Variants in SRRM4 observed in about 807,000 individuals in gnomAD.
SRRM4 encodes the protein serine/arginine repetitive matrix 4.
SRRM4 carries 33 observed loss-of-function variants against 68.9 expected under a neutral mutation model. The ratio of observed to expected loss-of-function variants is 0.48; its 90% CI spans 0.36 to 0.64. The LOEUF is 0.64. Ranked by LOEUF, SRRM4 falls within the 30% of genes least tolerant of loss-of-function variation. The probability of loss-of-function intolerance (pLI) is 0.00; values close to 1 mark genes in which losing one functional copy is unlikely to be tolerated. For synonymous variants in SRRM4, 318 were observed against 318.8 expected, an observed-to-expected ratio of 1.00 and a Z score of 0.03; for missense variants, 817 against 827.1, an observed-to-expected ratio of 0.99 and a Z score of 0.15.
intron 6 of SRRM4, 79 bp from the exon 7 acceptor site, chr12:119,125,293 AACGGGTGTC>A: frequency 8.1e-7 from 1 of 1,238,310 alleles, no homozygotes; most frequent in South Asian, 1.4e-5. Context: ...GCAAAGGAAA[AACGGGTGTC>A]ACAAGATCAA....
Position 119,028,392 on chromosome 12 carries a change from G to A in SRRM4, c.131+46379G>A, listed in dbSNP as rs544048763. On this transcript the variant is annotated intron_variant, in intron 1 of 12. Coordinates refer to ENST00000267260, the MANE Select transcript of SRRM4 (RefSeq NM_194286.4). Reference sequence around the variant, plus strand: ...TTGAATCATGGGGGCAGGTCTTTTCGTGCTAGTCTCATGATAGTGAATAAG... The same window carrying A: ...TTGAATCATGGGGGCAGGTCTTTTCATGCTAGTCTCATGATAGTGAATAAG... 4.3e-4 allele frequency among the ~76,000 whole-genome samples: 65 copies of A among 152,160 alleles called. 1 individual carries two copies. Among genetic ancestry groups the A allele is most frequent in the African/African-American group, 8.0e-4 (33 of 41,504 alleles).
At chr12:118,990,305 C>T (rs1350424165) in intron 1 of SRRM4, among the ~76,000 whole-genome samples, 2 of 152,114 alleles carry the variant, frequency 1.3e-5, no homozygotes, top group African/African-American at 2.4e-5. Context: ...AATCCAGCAA[C>T]CAGGGGAGTC....
intron 1 of SRRM4, among the ~76,000 whole-genome samples, chr12:119,016,352 A>G (rs1405570374): frequency 1.3e-5 from 2 of 152,118 alleles, no homozygotes; most frequent in East Asian, 3.9e-4. Context: ...AGCCCCATTC[A>G]GTAACCACCT....
At chr12:119,084,674 T>C (rs1057482838) in intron 1 of SRRM4, among the ~76,000 whole-genome samples, 25 of 151,970 alleles carry the variant, frequency 1.6e-4, no homozygotes, top group African/African-American at 5.6e-4. Flanking sequence ...GAGGATAAAA[T>C]GGAGCAGAAG....
chr12:119,104,204 T>C (rs920858049), intron 2 of SRRM4, among the ~76,000 whole-genome samples: 2 of 152,126 alleles, frequency 1.3e-5, no homozygotes, highest in Non-Finnish European at 2.9e-5. Flanking sequence ...GTACAGATTG[T>C]GGCAGTGAGA....
intron 1 of SRRM4, among the ~76,000 whole-genome samples, chr12:119,065,616 T>C (rs1468461203): frequency 1.3e-5 from 2 of 152,128 alleles, no homozygotes; most frequent in Non-Finnish European, 2.9e-5. Flanking sequence ...GTGCCTGTAG[T>C]CCCAGCTACT....
At chr12:118,986,662 ATCTG>A (rs1248516905) in intron 1 of SRRM4, among the ~76,000 whole-genome samples, 1 of 152,170 alleles carries the variant, frequency 6.6e-6, no homozygotes, top group Non-Finnish European at 1.5e-5. Context: ...AGATAGAGAC[ATCTG>A]TCTGTCTGGG....
In SRRM4 at chr12:119,156,698, C is replaced by CCCGCAGCCGGAGCCGGAGCAGGAG; in HGVS notation, c.1740_1763dup (p.Arg588_Ser595dup). ...AGCTCCCGCAGCCCTAGTCCGGGCT[C>CCCGCAGCCGGAGCCGGAGCAGGAG]CCGCAGCCGGAGCCGGAGCAGGAGC... On this transcript the variant is annotated inframe_insertion, in exon 13 of 13. Coordinates refer to ENST00000267260, the MANE Select transcript of SRRM4 (RefSeq NM_194286.4). 1 of 1,548,660 alleles carries CCCGCAGCCGGAGCCGGAGCAGGAG rather than the reference C, an allele frequency of 6.5e-7. No individual in the cohort carries two copies. The highest frequency in any genetic ancestry group is 8.7e-7 in the Non-Finnish European group (1 of 1,147,006).
intron 2 of SRRM4, among the ~76,000 whole-genome samples, chr12:119,110,554 G>A (rs568580026): frequency 3.3e-4 from 51 of 152,306 alleles, no homozygotes; most frequent in African/African-American, 9.6e-4. Flanking sequence ...CCTCGCTGCC[G>A]CCTTGCAGTT....
intron 8 of SRRM4, among the ~76,000 whole-genome samples, chr12:119,134,056 A>G (rs935450364): frequency 2.0e-5 from 3 of 152,148 alleles, no homozygotes; most frequent in Admixed American, 6.5e-5. Context: ...CCATGGCAAG[A>G]TATGGGCTCT....
At chr12:119,111,364 T>G in intron 2 of SRRM4, among the ~76,000 whole-genome samples, 1 of 151,968 alleles carries the variant, frequency 6.6e-6, no homozygotes, top group East Asian at 1.9e-4. Context: ...ATTGAGGGAG[T>G]TGATGATCCC....
chr12:119,141,270 A>T (rs1213842698), intron 8 of SRRM4, among the ~76,000 whole-genome samples: 1 of 152,236 alleles, frequency 6.6e-6, no homozygotes, highest in African/African-American at 2.4e-5. Context: ...GAATGCTCCC[A>T]GCATAAAGAA....
intron 1 of SRRM4, 44 bp from the exon 2 acceptor site, chr12:119,102,192 C>G: frequency 1.3e-6 from 2 of 1,550,652 alleles, no homozygotes; most frequent in Non-Finnish European, 1.8e-6. Flanking sequence ...TTAAGTGTCT[C>G]TGTATATTCT....
At chr12:119,114,394 G>C (rs1954164491) in intron 3 of SRRM4, 30 bp downstream of exon 3, 1 of 1,563,356 alleles carries the variant, frequency 6.4e-7, no homozygotes, top group Admixed American at 1.8e-5. Flanking sequence ...GATAAAACCT[G>C]TAAGATGCAG....
rs1030812316 is a variant in SRRM4 at position 119,159,708 on chromosome 12, C to T, written c.*2910C>T. 5 of 152,164 alleles carry T rather than the reference C, an allele frequency of 3.3e-5. No individual in the cohort carries two copies. The highest frequency in any genetic ancestry group is 3.3e-4 in the Admixed American group (5 of 15,282). 9.4% of individuals were successfully genotyped at this position (152,164 alleles called of 1,614,324 possible). On this transcript the variant is annotated 3_prime_UTR_variant, in exon 13 of 13. Coordinates refer to ENST00000267260, the MANE Select transcript of SRRM4 (RefSeq NM_194286.4). ...CCTAGTTGGTTTCATGTATGTTACA[C>T]ATGCTTCCACTCCACAGTACCTAAT...
chr12:119,077,156 A>G (rs1478865349), intron 1 of SRRM4, among the ~76,000 whole-genome samples: 1 of 152,216 alleles, frequency 6.6e-6, no homozygotes, highest in Non-Finnish European at 1.5e-5. Context: ...TTTTATGTTG[A>G]AAGCTACTGG....
intron 1 of SRRM4, among the ~76,000 whole-genome samples, chr12:119,026,543 A>G (rs1459068641): frequency 1.3e-5 from 2 of 151,832 alleles, no homozygotes; most frequent in Non-Finnish European, 2.9e-5. Flanking sequence ...TTTAATTTTA[A>G]TTTTTATTTA....
intron 9 of SRRM4, among the ~76,000 whole-genome samples, chr12:119,148,381 C>A (rs1398863187): frequency 6.6e-6 from 1 of 152,134 alleles, no homozygotes; most frequent in African/African-American, 2.4e-5. Flanking sequence ...GTCAGTGTCT[C>A]CAAGAACAGG....
Position 119,131,026 on chromosome 12 carries a change from T to C in SRRM4, c.771+192T>C, listed in dbSNP as rs1254131460. Among the ~76,000 whole-genome samples, 6 of 152,132 alleles carry C rather than the reference T, an allele frequency of 3.9e-5. No individual in the cohort carries two copies. In the East Asian group the frequency reaches 1.2e-3, roughly 29 times the overall value. ...TTTGGCAACACTGGCTTGGGGATTTTGGGGGGCAGGGGGAGAAAAACTAAA... is the reference window on the plus strand; with the variant it reads ...TTTGGCAACACTGGCTTGGGGATTTCGGGGGGCAGGGGGAGAAAAACTAAA... On this transcript the variant is annotated intron_variant, in intron 8 of 12. Coordinates refer to ENST00000267260, the MANE Select transcript of SRRM4 (RefSeq NM_194286.4).
Sources: allele counts gnomAD v4.1 joint callset (sites outside exome capture counted in the v4.1 genomes callset), GRCh38; gene constraint gnomAD v4.1.1; transcripts MANE v1.5; gene names NCBI Gene and HGNC (gene_info 2026-07-23, HGNC 2026-07-21).